SNAP47: variants seen among roughly 807,000 people sequenced by gnomAD.
SNAP47 encodes the protein synaptosomal-associated protein 47.
SNAP47 carries 20 observed loss-of-function variants against 31.4 expected under a neutral mutation model. That is an observed-to-expected ratio of 0.64 (90% CI 0.45 to 0.93). The LOEUF (loss-of-function observed/expected upper bound fraction) is 0.93, where lower values mean the gene tolerates loss of function less well. Among genes scored for constraint, SNAP47 ranks in the 40% least tolerant of loss-of-function variants. SNAP47 has a pLI of 0.00. For missense variants in SNAP47, 492 were observed against 528.5 expected, an observed-to-expected ratio of 0.93 and a Z score of 0.68; for synonymous variants, 194 against 213.4, an observed-to-expected ratio of 0.91 and a Z score of 0.79.
chr1:227,775,444 G>A (rs867144403), intron 4 of SNAP47, among the ~76,000 whole-genome samples: 18 of 152,164 alleles, frequency 1.2e-4, no homozygotes, highest in Admixed American at 9.2e-4. Context: ...TCGGTGCTTG[G>A]CTTGGTACGG....
intron 2 of SNAP47, among the ~76,000 whole-genome samples, chr1:227,749,882 A>G (rs1305781497): frequency 6.6e-6 from 1 of 152,098 alleles, no homozygotes; most frequent in Admixed American, 6.5e-5. Flanking sequence ...CATGCTTTCA[A>G]TTACTTTTAT....
At chr1:227,747,344 A>G (rs1433212347) in intron 1 of SNAP47, among the ~76,000 whole-genome samples, 1 of 152,158 alleles carries the variant, frequency 6.6e-6, no homozygotes, top group Non-Finnish European at 1.5e-5. Context: ...GTCCTCCTCA[A>G]GTCTCGTCCA....
Position 227,741,855 on chromosome 1 carries a change from A to G in SNAP47, c.-45-5837A>G, listed in dbSNP as rs1248042579. ...AGGTTTTCTGGGAAAGAAGCCCTGG[A>G]AACCTGCAGTTGGAAAAGGGTGGCT... On this transcript the variant is annotated intron_variant, in intron 1 of 4. Transcript: ENST00000617596. The surrounding 1 kb of genome is among the most constrained non-coding windows in gnomAD (Gnocchi z 4.2). Among the ~76,000 whole-genome samples the G allele has an allele frequency of 6.6e-6, 1 of 152,048 alleles. No individual in the cohort carries two copies. Among genetic ancestry groups the G allele is most frequent in the Non-Finnish European group, 1.5e-5 (1 of 68,014 alleles).
At chr1:227,730,707 A>C (rs572671039), upstream of SNAP47, 1 of 152,316 alleles carries the variant, frequency 6.6e-6, no homozygotes, top group South Asian at 2.1e-4. Flanking sequence ...GTCTTCACAT[A>C]CAGTTCAGGA....
At chr1:227,769,056 T>G (rs1663622846) in intron 4 of SNAP47, among the ~76,000 whole-genome samples, 1 of 152,218 alleles carries the variant, frequency 6.6e-6, no homozygotes, top group Non-Finnish European at 1.5e-5. Context: ...GTGTGGCGTG[T>G]TCTTCACCTC....
At chr1:227,731,374 C>G (rs1010533249), upstream of SNAP47, 15 of 152,280 alleles carry the variant, frequency 9.9e-5, no homozygotes, top group Admixed American at 8.5e-4. Flanking sequence ...ATGTGCATAG[C>G]CATGGCACGT....
chr1:227,740,190 G>A lies in SNAP47; in HGVS notation c.-46+4691G>A, dbSNP rs140260328. 5.3e-5 allele frequency among the ~76,000 whole-genome samples: 8 copies of A among 152,354 alleles called. No homozygotes were observed. In the East Asian group the frequency reaches 1.4e-3, roughly 26 times the overall value. ...AGCCCTCCGAACAGAGACCTGCGGA[G>A]TGGAGCCACCAATGAGACTCCCTGG... On this transcript the variant is annotated intron_variant, in intron 1 of 4. Transcript: ENST00000617596.
chr1:227,732,319 C>G, upstream of SNAP47: 2 of 1,559,808 alleles, frequency 1.3e-6, no homozygotes, highest in Non-Finnish European at 1.8e-6. Context: ...GGAGGGCGGT[C>G]TTTATTTCTG....
chr1:227,752,044 C>T (rs76989480), intron 2 of SNAP47, among the ~76,000 whole-genome samples: 2 of 152,040 alleles, frequency 1.3e-5, no homozygotes, highest in African/African-American at 2.4e-5. Context: ...GGATTACAGG[C>T]GTGAACCACC....
At chr1:227,777,081 G>GA (rs1664203502) in intron 4 of SNAP47, 1 of 968,616 alleles carries the variant, frequency 1.0e-6, no homozygotes, top group African/African-American at 1.8e-5. Flanking sequence ...TTATGCACTA[G>GA]AAAAAGGCAT....
At chr1:227,755,617 G>A (rs543209264) in intron 2 of SNAP47, among the ~76,000 whole-genome samples, 1 of 152,174 alleles carries the variant, frequency 6.6e-6, no homozygotes, top group African/African-American at 2.4e-5. Context: ...GAACTCCTGG[G>A]CCTCAAGTAA....
chr1:227,752,470 C>T (rs1347210780), intron 2 of SNAP47, among the ~76,000 whole-genome samples: 2 of 152,154 alleles, frequency 1.3e-5, no homozygotes, highest in Admixed American at 6.5e-5. Flanking sequence ...CTTTAGGTCC[C>T]ACATGCGTCA....
At chr1:227,740,070 A>G (rs1024327060) in intron 1 of SNAP47, among the ~76,000 whole-genome samples, 6 of 152,214 alleles carry the variant, frequency 3.9e-5, no homozygotes, top group African/African-American at 7.2e-5. Flanking sequence ...CCCTCCCATG[A>G]TAGTGCCTTC....
chr1:227,771,227 G>T (rs1028903139), intron 4 of SNAP47, among the ~76,000 whole-genome samples: 1 of 152,168 alleles, frequency 6.6e-6, no homozygotes, highest in African/African-American at 2.4e-5. Context: ...TCAATATTTT[G>T]GGGGGCTGTG....
upstream of SNAP47, chr1:227,732,158 C>T (rs1474958551): frequency 1.0e-5 from 6 of 590,472 alleles, no homozygotes; most frequent in East Asian, 8.5e-5. Flanking sequence ...GCACCATCTC[C>T]GAGCTCCCAG....
chr1:227,776,386 G>A (rs1046298131), intron 4 of SNAP47: 24 of 986,652 alleles, frequency 2.4e-5, no homozygotes, highest in African/African-American at 1.2e-4. Flanking sequence ...TGTGGAGGTC[G>A]AACTGGCTGG....
chr1:227,733,895 C>A (rs1383822457), upstream of SNAP47: 3 of 1,613,058 alleles, frequency 1.9e-6, no homozygotes, highest in South Asian at 2.2e-5. Flanking sequence ...ACTCCCACAT[C>A]CGTGGCCTCA....
At position 227,780,941 on chromosome 1, in the gene SNAP47, G is replaced by C. The variant is rs1452221838; in HGVS notation, c.*268G>C. 1 of 493,864 alleles carries C rather than the reference G, an allele frequency of 2.0e-6. No individual in the cohort carries two copies. Among genetic ancestry groups the C allele is most frequent in the African/African-American group, 1.9e-5 (1 of 51,652 alleles). 30.6% of individuals were successfully genotyped at this position (493,864 alleles called of 1,614,324 possible). A position where few individuals can be genotyped will look rare whatever the true frequency, so the allele number is the denominator to read the frequency against. On this transcript the variant is annotated 3_prime_UTR_variant, in exon 5 of 5. Transcript: ENST00000617596. ...AGTGTGGACCATGGCGGGACCCCAA[G>C]GACACTTGGCACAGGCCTGGAAGAG... is the stretch of plus-strand genomic sequence containing the variant.
upstream of SNAP47, chr1:227,734,699 T>A (rs201330178): frequency 6.2e-7 from 1 of 1,613,718 alleles, no homozygotes; most frequent in Non-Finnish European, 8.5e-7. Context: ...GGGAGAGGAG[T>A]AGCCCGCCTG....
Sources: gnomAD v4.1 joint callset for allele counts (sites outside exome capture counted in the v4.1 genomes callset) on GRCh38, gnomAD v4.1.1 for gene constraint, Gnocchi (gnomAD v3.1) non-coding constraint, MANE v1.5 for transcripts, NCBI Gene and HGNC (gene_info 2026-07-23, HGNC 2026-07-21) for gene names.